The following RBFOX1 variants were observed in gnomAD, a reference collection of about 807,000 sequenced individuals.
RBFOX1 encodes the protein RNA binding protein fox-1 homolog 1.
RBFOX1 carries 8 observed loss-of-function variants against 57.7 expected under a neutral mutation model. The ratio of observed to expected loss-of-function variants is 0.14; its 90% confidence interval spans 0.08 to 0.25. RBFOX1 has a LOEUF of 0.25. Ranked by LOEUF, RBFOX1 falls within the 10% of genes least tolerant of loss-of-function variation. RBFOX1 has a pLI of 1.00. For missense variants in RBFOX1, 611 were observed against 548.5 expected (o/e 1.11, Z -1.14); for synonymous variants, 326 against 222.4 (o/e 1.47, Z -4.15).
In RBFOX1 at chr16:5,425,629, A is replaced by G. The variant is rs187152741; in HGVS notation, c.220-41587A>G. Among the ~76,000 whole-genome samples the G allele has an allele frequency of 3.0e-3, 453 of 152,292 alleles. 2 individuals carry two copies. Among genetic ancestry groups the G allele is most frequent in the Admixed American group, 6.6e-3 (101 of 15,298 alleles). ...GAGAGAACGTGTCCTTTCTCTTTGA[A>G]TACGGGAAATAAGTCTGGCTGAGCA... On this transcript the variant is annotated intron_variant, in intron 1 of 2. Transcript: ENST00000585867.
chr16:7,209,323 G>A (rs1232248139), intron 4 of RBFOX1, among the ~76,000 whole-genome samples: 3 of 152,072 alleles, frequency 2.0e-5, no homozygotes, highest in Non-Finnish European at 2.9e-5. Context: ...CGACAAGAGC[G>A]AAACTCTGTT....
chr16:7,224,578 T>G (rs1483357592), intron 4 of RBFOX1, among the ~76,000 whole-genome samples: 1 of 152,098 alleles, frequency 6.6e-6, no homozygotes, highest in African/African-American at 2.4e-5. Context: ...TTTCTAAACT[T>G]TCAGATTTTC....
At chr16:6,645,422 T>C (rs1477010780) in intron 2 of RBFOX1, among the ~76,000 whole-genome samples, 1 of 152,146 alleles carries the variant, frequency 6.6e-6, no homozygotes, top group Non-Finnish European at 1.5e-5. Context: ...TTCTCGGGAA[T>C]CTTTAAGTGC....
At chr16:5,465,302 A>C (rs2068919163) in intron 1 of RBFOX1, among the ~76,000 whole-genome samples, 1 of 151,802 alleles carries the variant, frequency 6.6e-6, no homozygotes, top group African/African-American at 2.4e-5. Flanking sequence ...GTGTGTCCAA[A>C]TTTCATCATC....
chr16:5,907,748 C>G (rs1055839085), intron 4 of RBFOX1, among the ~76,000 whole-genome samples: 2 of 149,808 alleles, frequency 1.3e-5, no homozygotes, highest in Admixed American at 6.6e-5. Context: ...TCATCATCAT[C>G]ATCATCATCA....
At chr16:5,888,737 G>A (rs887599146) in intron 4 of RBFOX1, among the ~76,000 whole-genome samples, 5 of 147,924 alleles carry the variant, frequency 3.4e-5, no homozygotes, top group Admixed American at 6.9e-5. Context: ...TGGAGGTTGC[G>A]GTGAGGTTGC....
At chr16:5,913,260 C>T (rs1415290547) in intron 4 of RBFOX1, among the ~76,000 whole-genome samples, 1 of 152,202 alleles carries the variant, frequency 6.6e-6, no homozygotes, top group Non-Finnish European at 1.5e-5. Flanking sequence ...TGTATCTCCC[C>T]ACCCCTACCA....
intron 14 of RBFOX1, among the ~76,000 whole-genome samples, chr16:7,699,043 G>A (rs772208622): frequency 2.5e-4 from 38 of 152,192 alleles, no homozygotes; most frequent in Non-Finnish European, 4.9e-4. Flanking sequence ...TACAAATGCA[G>A]AGCCTGTTTT....
At chr16:6,002,864 A>G (rs1035418561) in intron 4 of RBFOX1, among the ~76,000 whole-genome samples, 1 of 151,796 alleles carries the variant, frequency 6.6e-6, no homozygotes, top group Non-Finnish European at 1.5e-5. Flanking sequence ...TGTGTTAAAT[A>G]TCCTCTGTGG....
chr16:6,744,737 T>A (rs1231317743), intron 3 of RBFOX1, among the ~76,000 whole-genome samples: 1 of 152,088 alleles, frequency 6.6e-6, no homozygotes, highest in African/African-American at 2.4e-5. Flanking sequence ...CATATTAGGA[T>A]AGTGAAAAAT....
intron 1 of RBFOX1, among the ~76,000 whole-genome samples, chr16:6,307,583 A>G (rs1057021362): frequency 6.7e-6 from 1 of 148,484 alleles, no homozygotes; most frequent in African/African-American, 2.4e-5. Context: ...TATAATAGAG[A>G]AAATGATATA....
intron 3 of RBFOX1, among the ~76,000 whole-genome samples, chr16:6,686,568 G>T (rs1339001937): frequency 6.6e-6 from 1 of 152,152 alleles, no homozygotes; most frequent in Non-Finnish European, 1.5e-5. Context: ...GTTGCTAAAG[G>T]GGTGAACACA....
At chr16:7,410,060 C>T (rs1274735893) in intron 4 of RBFOX1, among the ~76,000 whole-genome samples, 1 of 140,248 alleles carries the variant, frequency 7.1e-6, no homozygotes, top group Non-Finnish European at 1.6e-5. Flanking sequence ...ACATTGGAGT[C>T]TTCAGTGATG....
At chr16:7,472,138 TTTC>T (rs2061673355) in intron 4 of RBFOX1, among the ~76,000 whole-genome samples, 1 of 152,242 alleles carries the variant, frequency 6.6e-6, no homozygotes, top group African/African-American at 2.4e-5. Context: ...ATGTTTATAA[TTTC>T]TTCTTTTTAT....
chr16:7,330,131 C>T (rs2096665116), intron 4 of RBFOX1, among the ~76,000 whole-genome samples: 1 of 152,074 alleles, frequency 6.6e-6, no homozygotes, highest in Non-Finnish European at 1.5e-5. Context: ...ATACAGTCAT[C>T]CCTCAATATG....
In RBFOX1 at chr16:6,647,862, CAG is replaced by C. The variant is rs1293839274; in HGVS notation, c.-63-6738_-63-6737del. Among the ~76,000 whole-genome samples the C allele has an allele frequency of 4.6e-5, 7 of 152,146 alleles. No individual in the cohort carries two copies. In the South Asian group the frequency reaches 1.2e-3, roughly 27 times the overall value. On this transcript the variant is annotated intron_variant, in intron 2 of 15. Transcript: ENST00000550418. Reference sequence around the variant, plus strand: ...TGATCCCCTTCTCTTTGTTTTGAAACAGAGTCTTGTTCTTTGTTGCCCAGTCT... The same window carrying C: ...TGATCCCCTTCTCTTTGTTTTGAAACAGTCTTGTTCTTTGTTGCCCAGTCT...
At chr16:5,878,719 C>T (rs1236329324) in intron 4 of RBFOX1, among the ~76,000 whole-genome samples, 1 of 152,120 alleles carries the variant, frequency 6.6e-6, no homozygotes, top group African/African-American at 2.4e-5. Context: ...TATTGCAATT[C>T]TGGCTTCCTC....
At chr16:5,426,635 T>G (rs1392553870) in intron 1 of RBFOX1, among the ~76,000 whole-genome samples, 1 of 152,190 alleles carries the variant, frequency 6.6e-6, no homozygotes, top group Non-Finnish European at 1.5e-5. Context: ...AGCCATCCCT[T>G]TACCAGCCTG....
intron 3 of RBFOX1, among the ~76,000 whole-genome samples, chr16:6,963,126 G>T (rs2083371117): frequency 6.6e-6 from 1 of 152,114 alleles, no homozygotes; most frequent in South Asian, 2.1e-4. Flanking sequence ...ACCTCTGGGT[G>T]CAGGACTCTT....
Sources: gnomAD v4.1 joint callset for allele counts (sites outside exome capture counted in the v4.1 genomes callset) on GRCh38, gnomAD v4.1.1 for gene constraint, MANE v1.5 for transcripts, NCBI Gene and HGNC (gene_info 2026-07-23, HGNC 2026-07-21) for gene names.